Variants in SNX29 observed in about 807,000 individuals in gnomAD.
SNX29 encodes sorting nexin-29.
Under a neutral mutation model 102.1 loss-of-function variants are expected in SNX29, and 78 were observed. The ratio of observed to expected loss-of-function variants is 0.76; its 90% CI spans 0.64 to 0.92. The LOEUF (loss-of-function observed/expected upper bound fraction) is 0.92. Ranked by LOEUF, SNX29 falls within the 40% of genes least tolerant of loss-of-function variation. SNX29 has a pLI of 0.00. For synonymous variants in SNX29, 580 were observed against 414.5 expected, an observed-to-expected ratio of 1.40 and a Z score of -4.85; for missense variants, 1,280 against 1,061.7, an observed-to-expected ratio of 1.21 and a Z score of -2.86.
At chr16:12,385,817 G>A (rs2083321577) in intron 16 of SNX29, among the ~76,000 whole-genome samples, 1 of 152,214 alleles carries the variant, frequency 6.6e-6, no homozygotes, top group African/African-American at 2.4e-5. Context: ...AACAGATACA[G>A]AAAGAATTTA....
chr16:12,271,001 C>T (rs1004676258), intron 14 of SNX29, among the ~76,000 whole-genome samples: 2 of 152,102 alleles, frequency 1.3e-5, no homozygotes, highest in Non-Finnish European at 2.9e-5. Flanking sequence ...CAAGATCGCG[C>T]CACTGCACTC....
At position 12,345,827 on chromosome 16, in the gene SNX29, C is replaced by T. The variant is rs1216871632; in HGVS notation, c.1783-10336C>T. 3.3e-5 allele frequency among the ~76,000 whole-genome samples: 5 copies of T among 152,152 alleles called. No homozygotes were observed. In the East Asian group the frequency reaches 9.6e-4, roughly 29 times the overall value. On this transcript the variant is annotated intron_variant, in intron 15 of 20. Transcript: ENST00000566228. ...CCTCTCCTCCCACCTCCTCTCCCAC[C>T]AGTTGCTTTTATGCCATGCCAAGAA...
At position 12,553,852 on chromosome 16, in the gene SNX29, G is replaced by A. The variant is rs2078150509; in HGVS notation, c.2319-14654G>A. ...CCACCCACCTAGGTCTACCGAAAGT[G>A]CTGGGATTTCAGATGGAGTCTCACT... On this transcript the variant is annotated intron_variant, in intron 20 of 20. Transcript: ENST00000566228. Among the ~76,000 whole-genome samples the A allele has an allele frequency of 2.0e-5, 3 of 151,932 alleles. No homozygotes were observed. In the South Asian group the frequency reaches 6.2e-4, roughly 32 times the overall value.
At chr16:12,454,245 ACT>A (rs944676831) in intron 18 of SNX29, among the ~76,000 whole-genome samples, 18 of 152,194 alleles carry the variant, frequency 1.2e-4, no homozygotes, top group African/African-American at 4.3e-4. Flanking sequence ...GGGGATGGCA[ACT>A]CTGCAGCTAA....
At chr16:12,027,583 C>G in intron 4 of SNX29, 139 bp downstream of exon 4, 1 of 973,258 alleles carries the variant, frequency 1.0e-6, no homozygotes, top group Non-Finnish European at 1.5e-6. Context: ...AAATCCATGT[C>G]TTAATAGTAG....
chr16:12,068,824 C>A (rs540642461), intron 9 of SNX29, among the ~76,000 whole-genome samples: 2 of 152,324 alleles, frequency 1.3e-5, no homozygotes, highest in African/African-American at 4.8e-5. Context: ...AGTGAGCCGC[C>A]ATGCCCGGCC....
chr16:12,159,458 C>T (rs1451515195), intron 13 of SNX29, among the ~76,000 whole-genome samples: 2 of 152,144 alleles, frequency 1.3e-5, no homozygotes, highest in Admixed American at 6.5e-5. Context: ...GGCGTTTCTC[C>T]CTAAAGCTTT....
chr16:12,206,462 G>A (rs1018948432), intron 14 of SNX29, among the ~76,000 whole-genome samples: 1 of 150,528 alleles, frequency 6.6e-6, no homozygotes, highest in South Asian at 2.1e-4. Flanking sequence ...TTCTATGTCT[G>A]ATTTCAGACT....
intron 11 of SNX29, among the ~76,000 whole-genome samples, chr16:12,105,926 G>A (rs774818886): frequency 6.6e-6 from 1 of 152,154 alleles, no homozygotes; most frequent in South Asian, 2.1e-4. Flanking sequence ...AGCGGTGGGC[G>A]TCCTGGCTGG....
rs75310191 is a variant in SNX29 at position 12,113,752 on chromosome 16, C to T, written c.1403-12881C>T. Among the ~76,000 whole-genome samples, 1,237 of 152,304 alleles carry T rather than the reference C, an allele frequency of 8.1e-3. 16 individuals are homozygous for T. The highest frequency in any genetic ancestry group is 0.028 in the African/African-American group (1,178 of 41,568). ...GCCATGGCAGACTCAGGGCTTTAGACGGGTCGGGGTCATATCTCTGCTGGT... is the reference window on the plus strand; with the variant it reads ...GCCATGGCAGACTCAGGGCTTTAGATGGGTCGGGGTCATATCTCTGCTGGT... On this transcript the variant is annotated intron_variant, in intron 11 of 20. Transcript: ENST00000566228.
intron 14 of SNX29, among the ~76,000 whole-genome samples, chr16:12,267,172 G>T (rs115251562): frequency 6.6e-6 from 1 of 152,068 alleles, no homozygotes; most frequent in Admixed American, 6.6e-5. Context: ...TGTTTTTAAA[G>T]CATTTGGAAA....
intron 20 of SNX29, among the ~76,000 whole-genome samples, chr16:12,541,563 C>T (rs1381104251): frequency 1.3e-5 from 2 of 152,142 alleles, no homozygotes; most frequent in Non-Finnish European, 2.9e-5. Flanking sequence ...TTCAAGCTGC[C>T]AAATTGCTCT....
intron 10 of SNX29, among the ~76,000 whole-genome samples, chr16:12,070,171 A>T (rs2051229609): frequency 6.6e-6 from 1 of 152,146 alleles, no homozygotes; most frequent in African/African-American, 2.4e-5. Flanking sequence ...AGTTCTCCCA[A>T]GTTGTTGGAT....
intron 15 of SNX29, among the ~76,000 whole-genome samples, chr16:12,300,469 T>C (rs1044299294): frequency 6.6e-6 from 1 of 152,210 alleles, no homozygotes; most frequent in Non-Finnish European, 1.5e-5. Context: ...TTGTTTGGCA[T>C]TGTGTTTTGC....
chr16:12,245,581 T>G (rs2078237109), intron 14 of SNX29, among the ~76,000 whole-genome samples: 1 of 152,038 alleles, frequency 6.6e-6, no homozygotes, highest in African/African-American at 2.4e-5. Flanking sequence ...GATTGTAGTT[T>G]ATTTATTTAT....
chr16:12,110,018 C>T (rs558599654), intron 11 of SNX29, among the ~76,000 whole-genome samples: 4 of 152,126 alleles, frequency 2.6e-5, no homozygotes, highest in Non-Finnish European at 5.9e-5. Flanking sequence ...TGTGAGCCAC[C>T]GTGCCCGGCC....
At chr16:12,265,346 T>A (rs1318304611) in intron 14 of SNX29, among the ~76,000 whole-genome samples, 1 of 152,130 alleles carries the variant, frequency 6.6e-6, no homozygotes, top group Non-Finnish European at 1.5e-5. Flanking sequence ...GGACTGTGGC[T>A]GGGGAAGGGT....
At chr16:12,556,342 A>C (rs1006933788) in intron 20 of SNX29, 1 of 152,206 alleles carries the variant, frequency 6.6e-6, no homozygotes, top group African/African-American at 2.4e-5. Flanking sequence ...GACCACTTGG[A>C]CTTCACTCAC....
chr16:12,166,371 A>G (rs1239231036), intron 13 of SNX29, among the ~76,000 whole-genome samples: 4 of 152,216 alleles, frequency 2.6e-5, no homozygotes, highest in Non-Finnish European at 4.4e-5. Context: ...TTGGGAGCAC[A>G]GAGGAAGAAA....
Sources: allele counts gnomAD v4.1 joint callset (sites outside exome capture counted in the v4.1 genomes callset), GRCh38; gene constraint gnomAD v4.1.1; transcripts MANE v1.5; gene names NCBI Gene and HGNC (gene_info 2026-07-23, HGNC 2026-07-21).